Variants in RIMBP2 observed in about 807,000 individuals in gnomAD.
RIMBP2 encodes the protein RIMS binding protein 2.
In RIMBP2, 48 loss-of-function variants were observed where a neutral mutation model predicts 118.6. The observed-to-expected ratio is 0.40, with a 90% CI of 0.32 to 0.51. The LOEUF (loss-of-function observed/expected upper bound fraction) is 0.51, where lower values mean the gene tolerates loss of function less well. Among genes scored for constraint, RIMBP2 ranks in the 20% least tolerant of loss-of-function variants. The pLI, the probability that RIMBP2 is intolerant of heterozygous loss-of-function variation, is 0.41. For synonymous variants in RIMBP2, 762 were observed against 742.9 expected, an observed-to-expected ratio of 1.03 and a Z score of -0.42; for missense variants, 1,551 against 1,768.3, an observed-to-expected ratio of 0.88 and a Z score of 2.20.
At chr12:130,556,669 G>A (rs2056385619) in intron 2 of RIMBP2, among the ~76,000 whole-genome samples, 1 of 152,220 alleles carries the variant, frequency 6.6e-6, no homozygotes, top group South Asian at 2.1e-4. Flanking sequence ...AAGGAATGGA[G>A]ACGGGGGAGG....
At chr12:130,407,611 A>G in intron 20 of RIMBP2, 115 bp downstream of exon 20, 1 of 856,024 alleles carries the variant, frequency 1.2e-6, no homozygotes, top group South Asian at 1.4e-5. Context: ...CTTCCTACGG[A>G]TGGTTCGGAG....
rs1461099930 is a variant in RIMBP2 at position 130,617,336 on chromosome 12, C to CA, written c.-217+10985_-217+10986insT. ...TCATGCAAATGGCGTCATCCCTGCC[C>CA]TTTGCCTCTCACTGACATTTCCTCT... On this transcript the variant is annotated intron_variant, in intron 2 of 22. Transcript: ENST00000690449. This position sits in a 1 kb window ranked among gnomAD's most constrained non-coding sequence, Gnocchi z 4.6. Among the ~76,000 whole-genome samples, 1 of 152,222 alleles carries CA rather than the reference C, an allele frequency of 6.6e-6. No homozygotes were observed. The highest frequency in any genetic ancestry group is 6.5e-5 in the Admixed American group (1 of 15,288).
intron 4 of RIMBP2, among the ~76,000 whole-genome samples, chr12:130,496,892 G>A (rs1454425747): frequency 6.6e-6 from 1 of 152,206 alleles, no homozygotes; most frequent in Non-Finnish European, 1.5e-5. Flanking sequence ...AGTACAGAGA[G>A]ACTGGGATGT....
At chr12:130,693,563 T>C (rs180998198) in intron 1 of RIMBP2, among the ~76,000 whole-genome samples, 12 of 152,134 alleles carry the variant, frequency 7.9e-5, no homozygotes, top group African/African-American at 2.9e-4. Flanking sequence ...AGAAAGTAAA[T>C]GTCCACTGGG....
intron 4 of RIMBP2, among the ~76,000 whole-genome samples, chr12:130,490,123 C>CAAAAAAAAAAAAAA (rs35698241): frequency 1.0e-5 from 1 of 95,458 alleles, no homozygotes; most frequent in Non-Finnish European, 2.1e-5. Flanking sequence ...GACTCTGTCT[C>CAAAAAAAAAAAAAA]AAAAAAAAAA....
intron 2 of RIMBP2, among the ~76,000 whole-genome samples, chr12:130,588,996 A>T (rs1406375401): frequency 1.3e-5 from 2 of 152,252 alleles, no homozygotes; most frequent in Non-Finnish European, 1.5e-5. Flanking sequence ...TTGGTACATT[A>T]AACACTCGGG....
intron 1 of RIMBP2, among the ~76,000 whole-genome samples, chr12:130,676,319 TAAA>T (rs34473551): frequency 0.014 from 1,896 of 133,282 alleles, 23 homozygotes; most frequent in East Asian, 0.06. Flanking sequence ...GAGGATGGAT[TAAA>T]AAAAAAAAAA....
At chr12:130,593,551 G>A (rs192859083) in intron 2 of RIMBP2, among the ~76,000 whole-genome samples, 1 of 152,228 alleles carries the variant, frequency 6.6e-6, no homozygotes, top group Non-Finnish European at 1.5e-5. Context: ...CGGCTGGAGG[G>A]AGAGGAGAAT....
intron 4 of RIMBP2, among the ~76,000 whole-genome samples, chr12:130,495,334 G>A (rs1443348491): frequency 2.0e-5 from 3 of 152,114 alleles, no homozygotes; most frequent in Admixed American, 1.3e-4. Context: ...AGTGGCTCCC[G>A]CCTCAGTGCT....
At chr12:130,412,288 G>A (rs533466329) in intron 19 of RIMBP2, among the ~76,000 whole-genome samples, 1 of 152,274 alleles carries the variant, frequency 6.6e-6, no homozygotes, top group African/African-American at 2.4e-5. Context: ...ACAGGCTGAT[G>A]TTCAAACCGT....
intron 4 of RIMBP2, among the ~76,000 whole-genome samples, chr12:130,486,597 G>A (rs2082502894): frequency 6.6e-6 from 1 of 151,306 alleles, no homozygotes; most frequent in African/African-American, 2.4e-5. Context: ...TCCCCAAGCT[G>A]TGCCATCTCG....
At chr12:130,679,929 G>A (rs150362465) in intron 1 of RIMBP2, among the ~76,000 whole-genome samples, 90 of 151,740 alleles carry the variant, frequency 5.9e-4, no homozygotes, top group African/African-American at 1.8e-3. Context: ...TTCACCCACC[G>A]CGGGAAGGAC....
At chr12:130,613,853 A>G (rs2060727062) in intron 2 of RIMBP2, among the ~76,000 whole-genome samples, 1 of 150,658 alleles carries the variant, frequency 6.6e-6, no homozygotes, top group South Asian at 2.1e-4. Context: ...ATTAAGAGAC[A>G]GCTCTCATCG....
chr12:130,611,560 G>A lies in RIMBP2; in HGVS notation c.-217+16762C>T, dbSNP rs1211946653. On this transcript the variant is annotated intron_variant, in intron 2 of 22. Transcript: ENST00000690449. ...CAGATGCCACCATGCTGGCGGCGACGCGTCTCCTGCGGAGAGGATTTACCT... is the reference window on the plus strand; with the variant it reads ...CAGATGCCACCATGCTGGCGGCGACACGTCTCCTGCGGAGAGGATTTACCT... 3.9e-5 allele frequency among the ~76,000 whole-genome samples: 6 copies of A among 152,208 alleles called. No homozygotes were observed. The East Asian group carries it at 7.7e-4, about 20-fold the overall frequency.
At chr12:130,715,455 C>T (rs887355310) in intron 1 of RIMBP2, among the ~76,000 whole-genome samples, 1 of 152,164 alleles carries the variant, frequency 6.6e-6, no homozygotes, top group Non-Finnish European at 1.5e-5. Flanking sequence ...GTCCGGGCCC[C>T]CACCTGGACC....
chr12:130,507,411 T>C (rs1394919067), intron 3 of RIMBP2, among the ~76,000 whole-genome samples: 1 of 152,232 alleles, frequency 6.6e-6, no homozygotes, highest in Non-Finnish European at 1.5e-5. Context: ...ATTTGAATCG[T>C]CTGTCCCCTG....
chr12:130,687,914 C>T (rs1218367473), intron 1 of RIMBP2, among the ~76,000 whole-genome samples: 3 of 152,200 alleles, frequency 2.0e-5, no homozygotes, highest in Non-Finnish European at 4.4e-5. Flanking sequence ...TACTTCCCAA[C>T]ATGTATCCAC....
chr12:130,466,448 A>C (rs2080484688), intron 6 of RIMBP2: 1 of 152,216 alleles, frequency 6.6e-6, no homozygotes, highest in East Asian at 1.9e-4. Flanking sequence ...CATTGCCACC[A>C]AAACCTCCTG....
At chr12:130,586,255 C>A (rs904411765) in intron 2 of RIMBP2, among the ~76,000 whole-genome samples, 1 of 152,164 alleles carries the variant, frequency 6.6e-6, no homozygotes, top group African/African-American at 2.4e-5. Flanking sequence ...GAGTTCAAGA[C>A]CAGCCTGGCA....
Sources: gnomAD v4.1 joint callset for allele counts (sites outside exome capture counted in the v4.1 genomes callset) on GRCh38, gnomAD v4.1.1 for gene constraint, Gnocchi (gnomAD v3.1) non-coding constraint, MANE v1.5 for transcripts, NCBI Gene and HGNC (gene_info 2026-07-23, HGNC 2026-07-21) for gene names.